The following GFPT2 variants were observed in gnomAD, a reference collection of about 807,000 sequenced individuals.
GFPT2 encodes the protein glutamine--fructose-6-phosphate aminotransferase [isomerizing] 2.
In GFPT2, 62 loss-of-function variants were observed where a neutral mutation model predicts 85.6. The ratio of observed to expected loss-of-function variants is 0.72; its 90% CI spans 0.59 to 0.90. The LOEUF is 0.90. Among genes scored for constraint, GFPT2 ranks in the 40% least tolerant of loss-of-function variants. The pLI, the probability that GFPT2 is intolerant of heterozygous loss-of-function variation, is 0.00. For missense variants in GFPT2, 788 were observed against 893.4 expected, an observed-to-expected ratio of 0.88 and a Z score of 1.50; for synonymous variants, 368 against 344.5, an observed-to-expected ratio of 1.07 and a Z score of -0.75.
intron 13 of GFPT2, among the ~76,000 whole-genome samples, chr5:180,315,255 G>A (rs1424965161): frequency 1.3e-5 from 2 of 151,196 alleles, no homozygotes; most frequent in African/African-American, 4.9e-5. Flanking sequence ...TCAGCTCACT[G>A]CAAGCTCCGC....
intron 1 of GFPT2, chr5:180,352,732 A>G (rs1359196512): frequency 1.0e-5 from 4 of 401,950 alleles, no homozygotes; most frequent in South Asian, 6.8e-5. Flanking sequence ...GGCTGCGGGG[A>G]CGGCGGGGCG....
intron 1 of GFPT2, among the ~76,000 whole-genome samples, chr5:180,342,821 G>C (rs948750510): frequency 1.3e-5 from 2 of 151,516 alleles, no homozygotes; most frequent in Non-Finnish European, 2.9e-5. Context: ...AGAATCTCTT[G>C]AACTCGGGAG....
intron 14 of GFPT2, 51 bp downstream of exon 14, chr5:180,313,756 A>C (rs1262825407): frequency 6.7e-7 from 1 of 1,496,574 alleles, no homozygotes; most frequent in African/African-American, 1.4e-5. Context: ...CCTCTGGTGC[A>C]CCTGCCTCCG....
Position 180,302,504 on chromosome 5 carries a change from AGT to A in GFPT2, c.1921_1922del (p.Thr641CysfsTer27). On this transcript the variant is annotated frameshift_variant, in exon 18 of 19. Transcript: ENST00000253778. LOFTEE classifies it high-confidence loss of function. ...TCAGGATGCCCTGGAGGCAGTCCAC[AGT>A]GTGGGGCAGCTCAATTGTCTTATAC... ...FAYKTIELPHTVDCLQGILSV... is the reference protein window; with the variant it reads ...FAYKTIELPHXVDCLQGILSV... 3 of 1,614,086 alleles carry A rather than the reference AGT, an allele frequency of 1.9e-6. No homozygotes were observed. Among genetic ancestry groups the A allele is most frequent in the Non-Finnish European group, 2.5e-6 (3 of 1,179,932 alleles).
chr5:180,315,613 CA>C (rs993279124), intron 13 of GFPT2, among the ~76,000 whole-genome samples: 88 of 152,262 alleles, frequency 5.8e-4, no homozygotes, highest in African/African-American at 2.0e-3. Flanking sequence ...CCGACCGGCA[CA>C]AGATGGGCTG....
intron 1 of GFPT2, among the ~76,000 whole-genome samples, chr5:180,351,908 C>T (rs958836564): frequency 3.3e-5 from 5 of 152,182 alleles, no homozygotes; most frequent in Admixed American, 3.3e-4. Context: ...CCCAAGGCCA[C>T]CAGTTTTGGC....
At chr5:180,350,424 C>T (rs2127659199) in intron 1 of GFPT2, among the ~76,000 whole-genome samples, 1 of 152,340 alleles carries the variant, frequency 6.6e-6, no homozygotes, top group East Asian at 1.9e-4. Context: ...CTCTACCAGG[C>T]TGTAGCCCGT....
At chr5:180,349,059 A>G (rs1764662117) in intron 1 of GFPT2, among the ~76,000 whole-genome samples, 1 of 151,992 alleles carries the variant, frequency 6.6e-6, no homozygotes, top group African/African-American at 2.4e-5. Context: ...TTTTAATAGA[A>G]AAGTTGCCAG....
At chr5:180,349,123 TTTAA>T (rs1764663165) in intron 1 of GFPT2, among the ~76,000 whole-genome samples, 1 of 151,722 alleles carries the variant, frequency 6.6e-6, no homozygotes, top group African/African-American at 2.4e-5. Context: ...GTGATATATA[TTTAA>T]TTAAAAGAAA....
intron 1 of GFPT2, among the ~76,000 whole-genome samples, chr5:180,340,866 T>C (rs1764502844): frequency 6.6e-6 from 1 of 152,156 alleles, no homozygotes; most frequent in Admixed American, 6.5e-5. Context: ...CATGTCCCTA[T>C]GACCTAATCG....
chr5:180,324,877 G>A lies in GFPT2; in HGVS notation c.615C>T (p.Leu205=), dbSNP rs1764184320. 1 of 1,610,528 alleles carries A rather than the reference G, an allele frequency of 6.2e-7. No homozygotes were observed. The highest frequency in any genetic ancestry group is 1.3e-5 in the African/African-American group (1 of 74,874). ...GCTTGTATTTGCTCCGGACTCCGAT[G>A]AGCAGGGGGCTGCCTCTCCTGTAGG... The part of the protein sequence containing the change: ...AVATRRGSPL[L]IGVRSKYKLS... The change falls in exon 8 of 19, where the codon CTC becomes CTT. Residue 205 remains leucine, a synonymous_variant. Coordinates refer to ENST00000253778, the MANE Select transcript of GFPT2 (RefSeq NM_005110.4).
chr5:180,335,427 G>A (rs2127655149), intron 4 of GFPT2, among the ~76,000 whole-genome samples: 1 of 152,354 alleles, frequency 6.6e-6, no homozygotes, highest in South Asian at 2.1e-4. Flanking sequence ...AGGTTTAGCT[G>A]CATAAGGACA....
rs1322650602 is a variant in GFPT2, at chr5:180,307,164, G to C, written c.1674+12C>G. 1.4e-6 allele frequency: 2 copies of C among 1,468,140 alleles called. No individual in the cohort carries two copies. The allele number at this position is 1,468,140 out of a possible 1,614,324, so 90.9% of individuals were successfully genotyped here. ...TCCTCCGTGGGGGTGGGGGCTGGGGGTGGGGGCTCACCAGGGCTCCTTCCA... is the reference window on the plus strand; with the variant it reads ...TCCTCCGTGGGGGTGGGGGCTGGGGCTGGGGGCTCACCAGGGCTCCTTCCA... On this transcript the variant is annotated intron_variant, in intron 16 of 18. Transcript: ENST00000253778.
chr5:180,312,020 AGGGAGGCGGGGAGGTG>A (rs1343627183), intron 15 of GFPT2, among the ~76,000 whole-genome samples: 15 of 83,614 alleles, frequency 1.8e-4, no homozygotes, highest in Non-Finnish European at 5.0e-5. Flanking sequence ...GCAGGGAGGC[AGGGAGGCGGGGAGGTG>A]GGGAGGCTGA....
chr5:180,348,553 G>A (rs1220602699), intron 1 of GFPT2, among the ~76,000 whole-genome samples: 1 of 152,218 alleles, frequency 6.6e-6, no homozygotes, highest in African/African-American at 2.4e-5. Context: ...GGCCTGGCGG[G>A]GGCCCTGAGC....
intron 4 of GFPT2, among the ~76,000 whole-genome samples, chr5:180,334,132 A>G (rs1764356034): frequency 6.6e-6 from 1 of 152,310 alleles, no homozygotes; most frequent in East Asian, 1.9e-4. Context: ...GAAATGCCCT[A>G]TGGTTCAGGG....
At chr5:180,336,630 C>T (rs747393962) in intron 2 of GFPT2, 53 bp from the exon 3 acceptor site, 4 of 1,203,910 alleles carry the variant, frequency 3.3e-6, no homozygotes, top group Non-Finnish European at 3.7e-6. Context: ...TTCTCACACA[C>T]TTGGCACAGG....
chr5:180,322,880 C>CA (rs1764145931), intron 9 of GFPT2, among the ~76,000 whole-genome samples: 1 of 151,734 alleles, frequency 6.6e-6, no homozygotes, highest in African/African-American at 2.4e-5. Context: ...ACTAAAAATA[C>CA]AAAAAATTAG....
chr5:180,314,589 C>T (rs935859369), intron 13 of GFPT2, among the ~76,000 whole-genome samples: 1 of 152,236 alleles, frequency 6.6e-6, no homozygotes, highest in Admixed American at 6.5e-5. Flanking sequence ...TTGAAATCCT[C>T]ATGAGTCGGG....
Sources: gnomAD v4.1 joint callset for allele counts (sites outside exome capture counted in the v4.1 genomes callset) on GRCh38, gnomAD v4.1.1 for gene constraint, MANE v1.5 for transcripts, NCBI Gene and HGNC (gene_info 2026-07-23, HGNC 2026-07-21) for gene names.